CSGALNACT2: variants seen among roughly 807,000 people sequenced by gnomAD.
The protein encoded by CSGALNACT2 is beta 4 GalNAcT-2.
A neutral mutation model predicts 55.3 loss-of-function variants in CSGALNACT2; 35 were observed. The observed-to-expected ratio is 0.63, with a 90% CI of 0.48 to 0.84. The LOEUF is 0.84. CSGALNACT2 is among the 40% of genes least tolerant of loss of function. The pLI, the probability that CSGALNACT2 is intolerant of heterozygous loss-of-function variation, is 0.00. For missense variants in CSGALNACT2, 544 were observed against 657.5 expected (o/e 0.83, Z 1.89); for synonymous variants, 196 against 224.9 (o/e 0.87, Z 1.15).
chr10:43,183,327 A>AT lies in CSGALNACT2; in HGVS notation c.1416dup (p.Val473CysfsTer15). On this transcript the variant is annotated frameshift_variant, in exon 8 of 8. Coordinates refer to ENST00000374466, the MANE Select transcript of CSGALNACT2 (RefSeq NM_018590.5). LOFTEE classifies it high-confidence loss of function. The stretch of plus-strand genomic sequence containing the variant: ...TCGAAAATACTTACATGGTGACCTC[A>AT]TTGTGATTCGGACTCCGGTTCCTGG... 6.2e-7 allele frequency: 1 copy of AT among 1,613,950 alleles called. No individual in the cohort carries two copies. Among genetic ancestry groups the AT allele is most frequent in the Admixed American group, 1.7e-5 (1 of 60,020 alleles).
chr10:43,142,888 G>A (rs1838660004), intron 1 of CSGALNACT2, among the ~76,000 whole-genome samples: 2 of 152,080 alleles, frequency 1.3e-5, no homozygotes, highest in Non-Finnish European at 2.9e-5. Flanking sequence ...CAAGAAATAG[G>A]AAAAGATTGA....
intron 3 of CSGALNACT2, among the ~76,000 whole-genome samples, chr10:43,160,282 A>C (rs111681176): frequency 6.6e-6 from 1 of 152,282 alleles, no homozygotes. Flanking sequence ...AAATAATGGC[A>C]GCAATGTCAG....
rs150115891 is a variant in CSGALNACT2 at position 43,151,879 on chromosome 10, T to C, written c.-253-3018T>C. ...TACCTGATGTTAAATATCTTGAAAA[T>C]CATTGTTTCATATTTTGGGTTTGTT... On this transcript the variant is annotated intron_variant, in intron 1 of 7. Transcript: ENST00000374466. 8.5e-5 allele frequency among the ~76,000 whole-genome samples: 13 copies of C among 152,322 alleles called. No homozygotes were observed. The East Asian group carries it at 2.5e-3, about 29-fold the overall frequency.
At chr10:43,175,083 C>T (rs1370468874) in intron 6 of CSGALNACT2, among the ~76,000 whole-genome samples, 2 of 152,226 alleles carry the variant, frequency 1.3e-5, no homozygotes, top group African/African-American at 4.8e-5. Flanking sequence ...AGCTTCATAG[C>T]TGCATCGTGC....
At chr10:43,153,842 T>G (rs1315730686) in intron 1 of CSGALNACT2, among the ~76,000 whole-genome samples, 1 of 152,238 alleles carries the variant, frequency 6.6e-6, no homozygotes, top group African/African-American at 2.4e-5. Flanking sequence ...ATAAATGGTT[T>G]TTGAATTTTT....
At chr10:43,159,039 T>C in intron 3 of CSGALNACT2, 108 bp downstream of exon 3, 1 of 668,256 alleles carries the variant, frequency 1.5e-6, no homozygotes, top group Middle Eastern at 4.1e-4. Flanking sequence ...AGAATAATTT[T>C]ACAGGCTTTA....
intron 4 of CSGALNACT2, chr10:43,163,501 G>T (rs1839195523): frequency 1.0e-6 from 1 of 985,198 alleles, no homozygotes; most frequent in African/African-American, 1.7e-5. Context: ...ACGGATGCAA[G>T]AGGAGAGTGA....
chr10:43,182,560 T>A (rs542268751), intron 7 of CSGALNACT2, among the ~76,000 whole-genome samples: 24 of 152,246 alleles, frequency 1.6e-4, no homozygotes, highest in African/African-American at 4.8e-4. Flanking sequence ...AGTTTTTCTA[T>A]AGCCCAGAAA....
At position 43,155,571 on chromosome 10, in the gene CSGALNACT2, G is replaced by C; in HGVS notation, c.422G>C (p.Ser141Thr). Reference sequence around the variant, plus strand: ...GTTAGCATAGGGGCCAAACTACCCAGTGAGTATGGGGTCATTCCCTTTGAA... The same window carrying C: ...GTTAGCATAGGGGCCAAACTACCCACTGAGTATGGGGTCATTCCCTTTGAA... ...AEVSIGAKLP[S>T]EYGVIPFESF... is the part of the protein sequence containing the mutation. The change falls in exon 2 of 8, where the codon AGT becomes ACT. Residue 141 changes from serine to threonine, a missense_variant. Ser to Thr is a moderately conservative substitution (Grantham distance 58, BLOSUM62 1). This residue lies in a region of CSGALNACT2 where 374 missense variants were observed against 401.3 expected (regional missense o/e 0.93). Coordinates refer to ENST00000374466, the MANE Select transcript of CSGALNACT2 (RefSeq NM_018590.5). 1 of 1,614,216 alleles carries C rather than the reference G, an allele frequency of 6.2e-7. No homozygotes were observed. Among genetic ancestry groups the C allele is most frequent in the Non-Finnish European group, 8.5e-7 (1 of 1,180,046 alleles).
intron 7 of CSGALNACT2, among the ~76,000 whole-genome samples, chr10:43,180,217 C>T (rs929741505): frequency 6.6e-6 from 1 of 152,194 alleles, no homozygotes; most frequent in Non-Finnish European, 1.5e-5. Flanking sequence ...TCCCTTGTTT[C>T]CTTTCTTCCT....
chr10:43,163,108 G>A, intron 4 of CSGALNACT2: 1 of 985,166 alleles, frequency 1.0e-6, no homozygotes, highest in South Asian at 4.7e-5. Flanking sequence ...CTTTGCCTTT[G>A]AGAATAATTA....
At chr10:43,163,774 A>C in intron 4 of CSGALNACT2, 92 bp from the exon 5 acceptor site, 1 of 1,411,754 alleles carries the variant, frequency 7.1e-7, no homozygotes, top group Non-Finnish European at 9.3e-7. Context: ...AAATATTTGA[A>C]GTGTAAAACA....
chr10:43,162,786 T>G (rs762651529), intron 4 of CSGALNACT2: 39 of 898,456 alleles, frequency 4.3e-5, no homozygotes, highest in Non-Finnish European at 5.2e-5. Context: ...TCTGATTCAG[T>G]GGGTCTGGCT....
chr10:43,183,244 T>C lies in CSGALNACT2; in HGVS notation c.1337-6T>C, dbSNP rs751983723. Reference sequence around the variant, plus strand: ...GTTATTTATAGTGTCAATTTTGATCTTACAGGTGGATTTGACATGGAAGTG... The same window carrying C: ...GTTATTTATAGTGTCAATTTTGATCCTACAGGTGGATTTGACATGGAAGTG... On this transcript the variant is annotated splice_polypyrimidine_tract_variant and splice_region_variant and intron_variant, in intron 7 of 7. Transcript: ENST00000374466. 33 of 1,608,626 alleles carry C rather than the reference T, an allele frequency of 2.1e-5. No individual in the cohort carries two copies. The highest frequency in any genetic ancestry group is 2.7e-5 in the Non-Finnish European group (32 of 1,175,150).
chr10:43,149,914 AG>A (rs1232849812), intron 1 of CSGALNACT2, among the ~76,000 whole-genome samples: 1 of 152,174 alleles, frequency 6.6e-6, no homozygotes, highest in East Asian at 1.9e-4. Context: ...CTAAAAATAC[AG>A]AATTAGCCAG....
intron 5 of CSGALNACT2, among the ~76,000 whole-genome samples, chr10:43,164,408 A>G (rs1388160055): frequency 6.6e-6 from 1 of 152,248 alleles, no homozygotes; most frequent in Non-Finnish European, 1.5e-5. Context: ...CTTTGGGCAT[A>G]TAGCGTCCAC....
chr10:43,177,262 CT>C (rs1230242942), intron 7 of CSGALNACT2, among the ~76,000 whole-genome samples: 2 of 152,020 alleles, frequency 1.3e-5, no homozygotes, highest in African/African-American at 2.4e-5. Context: ...TTCCTTATCT[CT>C]TTTTTATGAC....
At chr10:43,154,677 A>T (rs1476572347) in intron 1 of CSGALNACT2, among the ~76,000 whole-genome samples, 1 of 152,074 alleles carries the variant, frequency 6.6e-6, no homozygotes, top group Non-Finnish European at 1.5e-5. Flanking sequence ...CAGTAAGCCA[A>T]GATTGTGCCA....
chr10:43,175,950 G>A lies in CSGALNACT2; in HGVS notation c.1255-1G>A. On this transcript the variant is annotated splice_acceptor_variant, in intron 6 of 7. Transcript: ENST00000374466. LOFTEE classifies it high-confidence loss of function. ...TTTCTGTTTTTTTTTTTTTAACTAA[G>A]GTTCACAAAAAGGATTCTGGCTTTT... The A allele has an allele frequency of 1.9e-6, 3 of 1,594,110 alleles. No homozygotes were observed. Among genetic ancestry groups the A allele is most frequent in the Admixed American group, 3.6e-5 (2 of 55,002 alleles).
Sources: gnomAD v4.1 joint callset for allele counts (sites outside exome capture counted in the v4.1 genomes callset) on GRCh38, gnomAD v4.1.1 for gene constraint, gnomAD v4.1.1 regional missense constraint, MANE v1.5 for transcripts, NCBI Gene and HGNC (gene_info 2026-07-23, HGNC 2026-07-21) for gene names.